The following RARB variants were observed in gnomAD, a reference collection of about 807,000 sequenced individuals.
RARB encodes retinoic acid receptor beta.
RARB carries 17 observed loss-of-function variants against 51.9 expected under a neutral mutation model. The observed-to-expected ratio is 0.33, with a 90% CI of 0.22 to 0.49. RARB has a LOEUF of 0.49. Among genes scored for constraint, RARB ranks in the 20% least tolerant of loss-of-function variants. The pLI is 0.99. For synonymous variants in RARB, 215 were observed against 195.4 expected (o/e 1.10, Z -0.84); for missense variants, 369 against 550.8 (o/e 0.67, Z 3.30).
intron 4 of RARB, among the ~76,000 whole-genome samples, chr3:25,147,764 C>G (rs1402577605): frequency 6.6e-6 from 1 of 152,222 alleles, no homozygotes; most frequent in African/African-American, 2.4e-5. Flanking sequence ...GTTGCAGTTT[C>G]CATTGCAAAG....
intron 5 of RARB, among the ~76,000 whole-genome samples, chr3:25,179,209 C>T (rs1375690798): frequency 4.6e-5 from 7 of 152,086 alleles, no homozygotes; most frequent in African/African-American, 1.2e-4. Context: ...CTAAGAAGAG[C>T]TTTGTTACCT....
chr3:25,085,169 C>T (rs1699082568), intron 3 of RARB, among the ~76,000 whole-genome samples: 1 of 152,078 alleles, frequency 6.6e-6, no homozygotes, highest in Admixed American at 6.6e-5. Flanking sequence ...ATTATTTTAT[C>T]AGTTGGGATT....
rs112635569 is a variant in RARB, at chr3:25,210,241, A to G, written c.178+35666A>G. On this transcript the variant is annotated intron_variant, in intron 5 of 11. Coordinates refer to the RARB transcript ENST00000383772. ...ACTGGGTTAGTGAATTCTGGAGAAAATTCTCTTCATATCATTTCTCCTTCC... is the reference window on the plus strand; with the variant it reads ...ACTGGGTTAGTGAATTCTGGAGAAAGTTCTCTTCATATCATTTCTCCTTCC... Among the ~76,000 whole-genome samples the G allele has an allele frequency of 4.2e-3, 646 of 152,184 alleles. 3 individuals are homozygous for G. The highest frequency in any genetic ancestry group is 0.015 in the African/African-American group (616 of 41,530).
intron 3 of RARB, among the ~76,000 whole-genome samples, chr3:25,099,615 TAA>T (rs10540610): frequency 0.87 from 123,836 of 142,596 alleles, 53,782 homozygotes; most frequent in African/African-American, 0.94. Context: ...TTTCAGGATT[TAA>T]AAAAAAAAAA....
chr3:25,227,685 A>T (rs894474838), intron 5 of RARB, among the ~76,000 whole-genome samples: 4 of 151,964 alleles, frequency 2.6e-5, no homozygotes, highest in African/African-American at 9.7e-5. Context: ...TGGCATTTAT[A>T]CTCTTTTATT....
chr3:25,100,720 T>C (rs1351739344), intron 3 of RARB, among the ~76,000 whole-genome samples: 1 of 152,188 alleles, frequency 6.6e-6, no homozygotes, highest in Non-Finnish European at 1.5e-5. Context: ...GAAATTTTCA[T>C]CCTGTGTTAC....
chr3:25,077,468 T>G (rs569691893), intron 3 of RARB, among the ~76,000 whole-genome samples: 1 of 152,306 alleles, frequency 6.6e-6, no homozygotes, highest in African/African-American at 2.4e-5. Context: ...CCCTTTTGTA[T>G]CTATCGCAGT....
At chr3:25,293,431 T>G (rs59129073) in intron 5 of RARB, among the ~76,000 whole-genome samples, 1 of 151,966 alleles carries the variant, frequency 6.6e-6, no homozygotes, top group Admixed American at 6.6e-5. Flanking sequence ...TTCATTGTTA[T>G]TAACATTTTT....
Position 25,145,360 on chromosome 3 carries a change from T to C in RARB, c.-280+13152T>C, listed in dbSNP as rs114281022. On this transcript the variant is annotated intron_variant, in intron 4 of 11. Coordinates refer to the RARB transcript ENST00000383772. ...GACCCTGTGGAAAACTAGGAACATATTGAATATATCACAGAACAAATTAAG... is the reference window on the plus strand; with the variant it reads ...GACCCTGTGGAAAACTAGGAACATACTGAATATATCACAGAACAAATTAAG... Among the ~76,000 whole-genome samples the C allele has an allele frequency of 4.2e-3, 632 of 152,254 alleles. 4 individuals are homozygous for C. Among genetic ancestry groups the C allele is most frequent in the African/African-American group, 0.015 (612 of 41,538 alleles).
intron 5 of RARB, among the ~76,000 whole-genome samples, chr3:25,366,412 C>T (rs550346572): frequency 4.6e-5 from 7 of 152,254 alleles, no homozygotes; most frequent in East Asian, 1.9e-4. Flanking sequence ...AAACAACATC[C>T]GCACAACAAT....
At chr3:25,423,463 A>C (rs1707911569), upstream of RARB, among the ~76,000 whole-genome samples, 1 of 152,232 alleles carries the variant, frequency 6.6e-6, no homozygotes. Flanking sequence ...AGTGTTGCAG[A>C]GCAATATGTA....
intron 5 of RARB, among the ~76,000 whole-genome samples, chr3:25,408,800 C>T (rs1290287012): frequency 6.6e-6 from 1 of 152,162 alleles, no homozygotes; most frequent in Non-Finnish European, 1.5e-5. Flanking sequence ...CTTTGGGAGG[C>T]TGAGGCGGGC....
At chr3:24,958,863 G>A (rs1210631826) in intron 2 of RARB, among the ~76,000 whole-genome samples, 1 of 152,162 alleles carries the variant, frequency 6.6e-6, no homozygotes, top group Non-Finnish European at 1.5e-5. Flanking sequence ...CGTGAAACAG[G>A]AAATTTTCCC....
intron 5 of RARB, among the ~76,000 whole-genome samples, chr3:25,369,725 C>G (rs566522527): frequency 2.6e-4 from 40 of 152,204 alleles, no homozygotes; most frequent in African/African-American, 8.9e-4. Context: ...GAGTTTGAGA[C>G]CAGTCTGACC....
chr3:25,380,062 C>T (rs1706579611), intron 5 of RARB, among the ~76,000 whole-genome samples: 2 of 152,274 alleles, frequency 1.3e-5, no homozygotes, highest in South Asian at 4.1e-4. Context: ...AAAGATAATA[C>T]ATTTTGCAAG....
intron 4 of RARB, among the ~76,000 whole-genome samples, chr3:25,134,200 T>G (rs1302615320): frequency 6.6e-6 from 1 of 151,914 alleles, no homozygotes; most frequent in East Asian, 1.9e-4. Context: ...CTGGTAACAT[T>G]TAACTGTTTT....
chr3:24,890,516 A>C (rs1424787025), intron 2 of RARB, among the ~76,000 whole-genome samples: 1 of 152,200 alleles, frequency 6.6e-6, no homozygotes, highest in South Asian at 2.1e-4. Flanking sequence ...TGAGAGGCCA[A>C]GGCAGGAGGA....
intron 5 of RARB, among the ~76,000 whole-genome samples, chr3:25,413,437 T>C (rs1707619878): frequency 6.6e-6 from 1 of 152,214 alleles, no homozygotes. Flanking sequence ...ATGATTATGT[T>C]TTTTGTATAT....
chr3:25,418,612 GA>G (rs60919455), intron 5 of RARB, among the ~76,000 whole-genome samples: 11,663 of 144,884 alleles, frequency 0.08, 531 homozygotes, highest in South Asian at 0.12. Context: ...AGGTGTGAAA[GA>G]AAAAAAAAAA....
Sources: gnomAD v4.1 joint callset for allele counts (sites outside exome capture counted in the v4.1 genomes callset) on GRCh38, gnomAD v4.1.1 for gene constraint, MANE v1.5 for transcripts, NCBI Gene and HGNC (gene_info 2026-07-23, HGNC 2026-07-21) for gene names.